GNAT3: variants seen among roughly 807,000 people sequenced by gnomAD.
GNAT3 encodes the protein guanine nucleotide-binding protein G(t) subunit alpha-3.
GNAT3 carries 31 observed loss-of-function variants against 37.7 expected under a neutral mutation model. The observed-to-expected ratio is 0.82, with a 90% CI of 0.62 to 1.11. GNAT3 has a LOEUF of 1.11. Among genes scored for constraint, GNAT3 ranks in the 50% most tolerant of loss-of-function variants. GNAT3 has a pLI of 0.00. For missense variants in GNAT3, 437 were observed against 412.5 expected (o/e 1.06, Z -0.51); for synonymous variants, 138 against 139.8 (o/e 0.99, Z 0.09).
intron 3 of GNAT3, among the ~76,000 whole-genome samples, chr7:80,479,807 G>A (rs1790363502): frequency 6.8e-6 from 1 of 146,568 alleles, no homozygotes; most frequent in Admixed American, 6.8e-5. Flanking sequence ...ATGTTTTTTT[G>A]TCATCGGGTT....
At chr7:80,493,049 T>C (rs1790623483) in intron 2 of GNAT3, among the ~76,000 whole-genome samples, 1 of 152,104 alleles carries the variant, frequency 6.6e-6, no homozygotes, top group Non-Finnish European at 1.5e-5. Context: ...AGTCACCAGT[T>C]ATTTATCATA....
Position 80,484,878 on chromosome 7 carries a change from T to C in GNAT3, c.303+3657A>G, listed in dbSNP as rs140612611. ...GGCTATAGGTCCTGAAATATTGTCC[T>C]TAACTGTTCCAATAGCCTATTCTCA... On this transcript the variant is annotated intron_variant, in intron 3 of 7. Transcript: ENST00000398291. Among the ~76,000 whole-genome samples, 213 of 152,192 alleles carry C rather than the reference T, an allele frequency of 1.4e-3. 3 individuals are homozygous for C. In the East Asian group the frequency reaches 0.037, roughly 27 times the overall value.
At chr7:80,485,377 A>G (rs1261679137) in intron 3 of GNAT3, among the ~76,000 whole-genome samples, 2 of 152,158 alleles carry the variant, frequency 1.3e-5, no homozygotes, top group Non-Finnish European at 2.9e-5. Context: ...AATTGCTTAC[A>G]TATGTAGATA....
intron 1 of GNAT3, among the ~76,000 whole-genome samples, chr7:80,509,799 T>C (rs1010997260): frequency 6.6e-6 from 1 of 152,162 alleles, no homozygotes; most frequent in Non-Finnish European, 1.5e-5. Flanking sequence ...GTGATGTGTT[T>C]TCATTCATCT....
Position 80,462,308 on chromosome 7 carries a change from C to T in GNAT3, c.725G>A (p.Arg242Lys). The T allele has an allele frequency of 6.2e-7, 1 of 1,612,390 alleles. No homozygotes were observed. The highest frequency in any genetic ancestry group is 8.5e-7 in the Non-Finnish European group (1 of 1,178,924). The change falls in exon 7 of 8, where the codon AGA (arginine) becomes AAA (lysine). Residue 242 changes from arginine to lysine, a missense_variant. Arg to Lys is a conservative substitution (Grantham distance 26, BLOSUM62 2). Coordinates refer to ENST00000398291, the MANE Select transcript of GNAT3 (RefSeq NM_001102386.3). ...MVLVEDEEVNRMHESLHLFNS... is the reference protein window; with the variant it reads ...MVLVEDEEVNKMHESLHLFNS... ...GAACAGGTGAAGGCTTTCATGCATT[C>T]TATTCTGTTAGGTATCAGAAATGAG...
intron 1 of GNAT3, among the ~76,000 whole-genome samples, chr7:80,511,355 T>G (rs1791061414): frequency 6.6e-6 from 1 of 151,676 alleles, no homozygotes; most frequent in African/African-American, 2.4e-5. Flanking sequence ...CTTGACTAAT[T>G]GATTTTTAAC....
At chr7:80,464,947 A>G (rs1790108070) in intron 5 of GNAT3, among the ~76,000 whole-genome samples, 1 of 152,100 alleles carries the variant, frequency 6.6e-6, no homozygotes, top group South Asian at 2.1e-4. Flanking sequence ...TGGTGTGTAT[A>G]AAGAATATTA....
At chr7:80,493,656 TTCC>T (rs1195096435) in intron 2 of GNAT3, among the ~76,000 whole-genome samples, 1 of 89,504 alleles carries the variant, frequency 1.1e-5, no homozygotes, top group African/African-American at 6.5e-5. Context: ...CTCCTCCTCT[TTCC>T]TCCTCCTCCT....
At chr7:80,510,192 A>G (rs537027714) in intron 1 of GNAT3, among the ~76,000 whole-genome samples, 3 of 152,206 alleles carry the variant, frequency 2.0e-5, no homozygotes, top group African/African-American at 7.2e-5. Context: ...TTCCGTCACA[A>G]CTGAATCTCT....
At position 80,474,192 on chromosome 7, in the gene GNAT3, G is replaced by A. The variant is rs966336180; in HGVS notation, c.590+59C>T. 3 of 1,532,314 alleles carry A rather than the reference G, an allele frequency of 2.0e-6. No individual in the cohort carries two copies. The Admixed American group carries it at 5.5e-5, about 28-fold the overall frequency. 94.9% of individuals were successfully genotyped at this position (1,532,314 alleles called of 1,614,324 possible). On this transcript the variant is annotated intron_variant, in intron 5 of 7. Coordinates refer to ENST00000398291, the MANE Select transcript of GNAT3 (RefSeq NM_001102386.3). ...CATGGGCTAGAGCTTTTCTCCATGA[G>A]GAAATATTAAGCCTGATGCATACTT...
intron 3 of GNAT3, among the ~76,000 whole-genome samples, chr7:80,479,893 T>C (rs1790364575): frequency 6.6e-6 from 1 of 152,222 alleles, no homozygotes; most frequent in Non-Finnish European, 1.5e-5. Context: ...GTAGGCATTG[T>C]TGATTGCATA....
At chr7:80,478,472 C>G (rs960064614) in intron 4 of GNAT3, among the ~76,000 whole-genome samples, 1 of 152,142 alleles carries the variant, frequency 6.6e-6, no homozygotes, top group Non-Finnish European at 1.5e-5. Context: ...GAGATGATTT[C>G]ACTAATATGG....
At chr7:80,481,296 C>G (rs1016139237) in intron 3 of GNAT3, among the ~76,000 whole-genome samples, 15 of 152,160 alleles carry the variant, frequency 9.9e-5, no homozygotes, top group African/African-American at 1.4e-4. Flanking sequence ...TTCTAAGCCC[C>G]GCAACCAACA....
chr7:80,473,596 C>T (rs764150911), intron 5 of GNAT3, among the ~76,000 whole-genome samples: 1 of 152,064 alleles, frequency 6.6e-6, no homozygotes. Flanking sequence ...ATATTGTCCA[C>T]AATCCATACA....
At chr7:80,491,108 T>TTCCTA (rs1790583303) in intron 2 of GNAT3, among the ~76,000 whole-genome samples, 1 of 151,822 alleles carries the variant, frequency 6.6e-6, no homozygotes, top group Admixed American at 6.6e-5. Context: ...AGAAGGGAGG[T>TTCCTA]AGAAGCTCCT....
chr7:80,464,834 A>G (rs1584167273), intron 5 of GNAT3, among the ~76,000 whole-genome samples: 1 of 152,140 alleles, frequency 6.6e-6, no homozygotes, highest in East Asian at 1.9e-4. Context: ...TAATGTACTA[A>G]TGCAAAATCA....
In GNAT3 at chr7:80,507,298, A is replaced by G. The variant is rs939077820; in HGVS notation, c.118+4511T>C. 5.9e-5 allele frequency among the ~76,000 whole-genome samples: 9 copies of G among 152,060 alleles called. No individual in the cohort carries two copies. In the South Asian group the frequency reaches 6.2e-4, roughly 11 times the overall value. On this transcript the variant is annotated intron_variant, in intron 1 of 7. Transcript: ENST00000398291. ...TCAGAAACAACTCTAGTTTCCTGGAATCTCTCCCACTCATATCTAGGGATA... is the reference window on the plus strand; with the variant it reads ...TCAGAAACAACTCTAGTTTCCTGGAGTCTCTCCCACTCATATCTAGGGATA...
chr7:80,462,024 C>A, intron 7 of GNAT3, 135 bp downstream of exon 7: 1 of 613,342 alleles, frequency 1.6e-6, no homozygotes, highest in South Asian at 2.4e-5. Flanking sequence ...ATTTTTTTTC[C>A]AGTTTGGATC....
rs79345892 is a variant in GNAT3, at chr7:80,467,776, G to A, written c.591-5145C>T. Among the ~76,000 whole-genome samples, 548 of 152,086 alleles carry A rather than the reference G, an allele frequency of 3.6e-3. 11 individuals are homozygous for A. The East Asian group carries it at 0.058, about 16-fold the overall frequency. On this transcript the variant is annotated intron_variant, in intron 5 of 7. Coordinates refer to ENST00000398291, the MANE Select transcript of GNAT3 (RefSeq NM_001102386.3). ...AGAAAACATGTATATTTGCTGCCCG[G>A]AGTTTTGGATTGGTCAAATATAATA...
Sources: gnomAD v4.1 joint callset for allele counts (sites outside exome capture counted in the v4.1 genomes callset) on GRCh38, gnomAD v4.1.1 for gene constraint, MANE v1.5 for transcripts, NCBI Gene and HGNC (gene_info 2026-07-23, HGNC 2026-07-21) for gene names.